The following OXA1L variants were observed in gnomAD, a reference collection of about 807,000 sequenced individuals.
OXA1L encodes mitochondrial inner membrane protein OXA1L.
OXA1L carries 42 observed loss-of-function variants against 52.2 expected under a neutral mutation model. That is an observed-to-expected ratio of 0.80 (90% confidence interval 0.63 to 1.04). OXA1L has a LOEUF of 1.04. Among genes scored for constraint, OXA1L ranks in the 50% least tolerant of loss-of-function variants. The pLI, the probability that OXA1L is intolerant of heterozygous loss-of-function variation, is 0.00. For missense variants in OXA1L, 572 were observed against 555.0 expected, an observed-to-expected ratio of 1.03 and a Z score of -0.31; for synonymous variants, 239 against 201.9, an observed-to-expected ratio of 1.18 and a Z score of -1.56.
At chr14:22,768,301 A>G (rs2038428434) in intron 3 of OXA1L, 130 bp downstream of exon 3, 4 of 690,834 alleles carry the variant, frequency 5.8e-6, no homozygotes, top group Non-Finnish European at 1.0e-5. Flanking sequence ...TGAGCAATAG[A>G]GGTTCATGAT....
intron 2 of OXA1L, 138 bp downstream of exon 2, chr14:22,767,547 C>T: frequency 1.5e-6 from 1 of 677,490 alleles, no homozygotes; most frequent in East Asian, 2.8e-5. Flanking sequence ...ATGATAGCAT[C>T]TCTGCTTAGG....
chr14:22,770,275 T>A lies in OXA1L; in HGVS notation c.666T>A (p.Thr222=). The A allele has an allele frequency of 1.2e-6, 2 of 1,600,054 alleles. No homozygotes were observed. The highest frequency in any genetic ancestry group is 1.7e-6 in the Non-Finnish European group (2 of 1,167,182). Residue 222 remains threonine, a synonymous_variant, in exon 5 of 10, where the codon ACT becomes ACA. Transcript: ENST00000612549. The part of the protein sequence containing the change: ...KLYKPLILPV[T]QAPIFISFFI... The stretch of plus-strand genomic sequence containing the variant: ...ATAAACCTCTCATTCTCCCTGTGAC[T>A]CAGGTGAGCAAAAACATTTCCTTCC...
intron 2 of OXA1L, 76 bp downstream of exon 2, chr14:22,767,485 C>A: frequency 7.5e-7 from 1 of 1,328,698 alleles, no homozygotes; most frequent in Non-Finnish European, 1.0e-6. Context: ...TGTTTGGGAG[C>A]AGGGGGAATA....
chr14:22,767,820 G>A, intron 2 of OXA1L, 138 bp from the exon 3 acceptor site: 1 of 622,010 alleles, frequency 1.6e-6, no homozygotes, highest in East Asian at 2.8e-5. Context: ...TTTTAAGCTT[G>A]AAATCTGCAG....
At position 22,766,729 on chromosome 14, in the gene OXA1L, CG is replaced by C; in HGVS notation, c.31del (p.Glu11SerfsTer26). The C allele has an allele frequency of 6.2e-7, 1 of 1,614,248 alleles. No individual in the cohort carries two copies. The highest frequency in any genetic ancestry group is 1.1e-5 in the South Asian group (1 of 91,090). On this transcript the variant is annotated frameshift_variant, in exon 1 of 10. Coordinates refer to ENST00000612549, the MANE Select transcript of OXA1L (RefSeq NM_005015.5). LOFTEE classifies it high-confidence loss of function. ...GGCGATGGGACTAATGTGCGGACGC[CG>C]GGAGCTTCTGCGCTTGCTACAGTCC... MAMGLMCGRRELLRLLQSGR... is the reference protein window; with the variant it reads MAMGLMCGRXELLRLLQSGR...
At chr14:22,770,780 T>A (rs1229468365) in intron 6 of OXA1L, 25 bp from the exon 7 acceptor site, 1 of 1,607,188 alleles carries the variant, frequency 6.2e-7, no homozygotes, top group African/African-American at 1.3e-5. Flanking sequence ...CTTTCCCGAC[T>A]TTTCCACCCC....
chr14:22,767,990 C>G lies in OXA1L; in HGVS notation c.258C>G (p.Pro86=), dbSNP rs879002683. 6.2e-7 allele frequency: 1 copy of G among 1,613,676 alleles called. No homozygotes were observed. Among genetic ancestry groups the G allele is most frequent in the Non-Finnish European group, 8.5e-7 (1 of 1,179,600 alleles). Residue 86 remains proline (P), a synonymous_variant, in exon 3 of 10, where the codon CCC becomes CCG. Coordinates refer to ENST00000612549, the MANE Select transcript of OXA1L (RefSeq NM_005015.5). ...CCCCTCCTGTTGTTGCTGCAACTCC[C>G]TCACCCACAGCAGTACCTGAGGTGG... is the stretch of plus-strand genomic sequence containing the variant. The part of the protein sequence containing the change: ...VQAPPVVAAT[P]SPTAVPEVAS...
Position 22,770,470 on chromosome 14 carries a change from T to G in OXA1L, c.679T>G (p.Phe227Val). ...TTATCTTGTGTAATAGGCCCCAATCTTCATCTCCTTCTTCATTGCTTTGAG... is the reference window on the plus strand; with the variant it reads ...TTATCTTGTGTAATAGGCCCCAATCGTCATCTCCTTCTTCATTGCTTTGAG... ...LILPVTQAPI[F>V]ISFFIALREM... The change falls in exon 6 of 10, where the codon TTC (phenylalanine) becomes GTC (valine). Residue 227 changes from phenylalanine to valine, a missense_variant. By Grantham distance (50) the Phe-to-Val change is conservative. Transcript: ENST00000612549. The G allele has an allele frequency of 1.9e-6, 3 of 1,613,506 alleles. No homozygotes were observed. Among genetic ancestry groups the G allele is most frequent in the South Asian group, 1.1e-5 (1 of 91,078 alleles).
chr14:22,766,714 C>G lies in OXA1L; in HGVS notation c.13C>G (p.Leu5Val), dbSNP rs1167661777. 3 of 1,614,262 alleles carry G rather than the reference C, an allele frequency of 1.9e-6. No individual in the cohort carries two copies. The highest frequency in any genetic ancestry group is 2.5e-6 in the Non-Finnish European group (3 of 1,180,042). ...TCTTCCGGGCAAAATGGCGATGGGA[C>G]TAATGTGCGGACGCCGGGAGCTTCT... MAMGLMCGRRELLRL... is the reference protein window; with the variant it reads MAMGVMCGRRELLRL... Residue 5 changes from leucine (L) to valine (V), a missense_variant, in exon 1 of 10, where the codon CTA (leucine) becomes GTA (valine). Around this residue, in one of 5 missense-constraint regions of OXA1L, gnomAD observed 186 missense variants for 151.8 expected, o/e 1.23. Transcript: ENST00000612549.
intron 6 of OXA1L, 22 bp from the exon 7 acceptor site, chr14:22,770,783 T>C (rs1475520998): frequency 6.8e-6 from 11 of 1,608,620 alleles, no homozygotes; most frequent in African/African-American, 1.3e-5. Flanking sequence ...TCCCGACTTT[T>C]CCACCCCACT....
intron 2 of OXA1L, 173 bp downstream of exon 2, chr14:22,767,582 ATGAT>A: frequency 1.7e-6 from 1 of 585,666 alleles, no homozygotes; most frequent in East Asian, 3.0e-5. Context: ...CAGTGGGGAA[ATGAT>A]TGAAAGTACA....
chr14:22,770,032 C>A, intron 4 of OXA1L, 98 bp downstream of exon 4: 1 of 1,502,718 alleles, frequency 6.7e-7, no homozygotes, highest in Non-Finnish European at 9.2e-7. Flanking sequence ...GAAGTTGCCA[C>A]AGTCGGGAAA....
Position 22,772,754 on chromosome 14 carries a change from T to C in OXA1L, c.*1196T>C, listed in dbSNP as rs2038493454. On this transcript the variant is annotated 3_prime_UTR_variant, in exon 10 of 10. Transcript: ENST00000612549. ...GCTCACACCTATAATCTCAGCACTT[T>C]GGGAGGCTGAGGTGGGTAGATCACT... is the stretch of plus-strand genomic sequence containing the variant. The C allele has an allele frequency of 6.5e-6, 1 of 153,900 alleles. No individual in the cohort carries two copies. The highest frequency in any genetic ancestry group is 2.0e-4 in the South Asian group (1 of 4,936). The allele number at this position is 153,900 out of a possible 1,614,324, so 9.5% of individuals were successfully genotyped here.
Position 22,772,710 on chromosome 14 carries a change from T to C in OXA1L, c.*1152T>C, listed in dbSNP as rs1309089968. ...TCTTAGTGATAATTAAGAATGAAAG[T>C]TCCAGGCTGGGCAAAGTGGCTCACA... On this transcript the variant is annotated 3_prime_UTR_variant, in exon 10 of 10. Coordinates refer to ENST00000612549, the MANE Select transcript of OXA1L (RefSeq NM_005015.5). 1 of 152,136 alleles carries C rather than the reference T, an allele frequency of 6.6e-6. No individual in the cohort carries two copies. The highest frequency in any genetic ancestry group is 1.5e-5 in the Non-Finnish European group (1 of 68,144). 9.4% of individuals were successfully genotyped at this position (152,136 alleles called of 1,614,324 possible).
intron 1 of OXA1L, 111 bp downstream of exon 1, chr14:22,766,875 C>G: frequency 6.4e-7 from 1 of 1,557,238 alleles, no homozygotes; most frequent in South Asian, 1.2e-5. Context: ...TCACCGGGAC[C>G]TGAATGTCAT....
At chr14:22,766,894 G>A (rs1444590789) in intron 1 of OXA1L, 130 bp downstream of exon 1, 3 of 1,537,048 alleles carry the variant, frequency 2.0e-6, no homozygotes, top group Non-Finnish European at 2.6e-6. Flanking sequence ...ATGACCTCGG[G>A]TCATGTGAGG....
intron 5 of OXA1L, 39 bp downstream of exon 5, chr14:22,770,317 C>G: frequency 6.6e-7 from 1 of 1,522,308 alleles, no homozygotes; most frequent in Non-Finnish European, 9.1e-7. Context: ...CATCCAGTAC[C>G]CATGAAATTT....
chr14:22,767,225 C>G, intron 1 of OXA1L, 23 bp from the exon 2 acceptor site: 3 of 1,593,410 alleles, frequency 1.9e-6, no homozygotes, highest in Non-Finnish European at 2.6e-6. Context: ...TAAAGGGGCT[C>G]CATCATCCTT....
In OXA1L at chr14:22,772,508, A is replaced by AAAAAAC. The variant is rs2038488011; in HGVS notation, c.*955_*956insCAAAAA. 1 of 137,714 alleles carries AAAAAAC rather than the reference A, an allele frequency of 7.3e-6. No homozygotes were observed. The highest frequency in any genetic ancestry group is 2.8e-5 in the African/African-American group (1 of 36,330). The allele number at this position is 137,714 out of a possible 1,614,324, so 8.5% of individuals were successfully genotyped here. A position where few individuals can be genotyped will look rare whatever the true frequency, so the allele number is the denominator to read the frequency against. ...CTTCTCAAAAAAAAAAAAAAAAAAA[A>AAAAAAC]AAAAAAAAAAACAGTTTAAACTTCC... On this transcript the variant is annotated 3_prime_UTR_variant, in exon 10 of 10. Transcript: ENST00000612549.
Sources: allele counts gnomAD v4.1 joint callset, GRCh38; gene constraint gnomAD v4.1.1; regional missense constraint gnomAD v4.1.1; transcripts MANE v1.5; gene names NCBI Gene and HGNC (gene_info 2026-07-23, HGNC 2026-07-21).